Variants in ARHGAP24 observed in about 807,000 individuals in gnomAD.
ARHGAP24 encodes Rho GTPase activating protein 24, also known as rho GTPase-activating protein 24.
In ARHGAP24, 50 loss-of-function variants were observed where a neutral mutation model predicts 76.4. The ratio of observed to expected loss-of-function variants is 0.65; its 90% CI spans 0.52 to 0.83. The LOEUF is 0.83. ARHGAP24 is among the 40% of genes least tolerant of loss of function. The pLI, the probability that ARHGAP24 is intolerant of heterozygous loss-of-function variation, is 0.00. For synonymous variants in ARHGAP24, 345 were observed against 323.3 expected (o/e 1.07, Z -0.72); for missense variants, 930 against 914.2 (o/e 1.02, Z -0.22).
chr4:85,975,026 G>C, intron 7 of ARHGAP24, 65 bp downstream of exon 7: 1 of 1,410,206 alleles, frequency 7.1e-7, no homozygotes, highest in South Asian at 1.2e-5. Flanking sequence ...ACTAATTTGT[G>C]TTTGACAACG....
At position 85,900,372 on chromosome 4, in the gene ARHGAP24, A is replaced by G. The variant is rs950724417; in HGVS notation, c.269-23276A>G. 3.9e-5 allele frequency among the ~76,000 whole-genome samples: 6 copies of G among 152,312 alleles called. No homozygotes were observed. In the South Asian group the frequency reaches 1.0e-3, roughly 26 times the overall value. On this transcript the variant is annotated intron_variant, in intron 3 of 9. Coordinates refer to ENST00000395184, the MANE Select transcript of ARHGAP24 (RefSeq NM_001025616.3). The stretch of plus-strand genomic sequence containing the variant: ...CAAATAGTATGCATTTACAGGAAAA[A>G]CTAAGTAATATACAGAATTTAAAGA...
At chr4:85,904,641 G>T (rs1157319347) in intron 3 of ARHGAP24, among the ~76,000 whole-genome samples, 2 of 152,124 alleles carry the variant, frequency 1.3e-5, no homozygotes, top group Non-Finnish European at 2.9e-5. Context: ...ATTAATTTTT[G>T]GTTTAGGCCT....
At chr4:85,524,129 G>C (rs6836668) in intron 1 of ARHGAP24, among the ~76,000 whole-genome samples, 1 of 151,876 alleles carries the variant, frequency 6.6e-6, no homozygotes. Context: ...TTCTCTACAC[G>C]TAACAGAGTT....
chr4:85,821,902 G>A (rs575688371), intron 3 of ARHGAP24, among the ~76,000 whole-genome samples: 30 of 152,298 alleles, frequency 2.0e-4, no homozygotes, highest in African/African-American at 6.0e-4. Context: ...AGGCCAAAGC[G>A]AAGATAAAAC....
chr4:85,991,866 T>C (rs1740349963), intron 8 of ARHGAP24: 1 of 325,796 alleles, frequency 3.1e-6, no homozygotes, highest in Non-Finnish European at 5.5e-6. Flanking sequence ...AAAATACAAA[T>C]TGAAACTATA....
chr4:85,704,686 G>A (rs1724231123), intron 2 of ARHGAP24, among the ~76,000 whole-genome samples: 1 of 151,968 alleles, frequency 6.6e-6, no homozygotes, highest in Non-Finnish European at 1.5e-5. Context: ...GCATCATATG[G>A]CATATATTTC....
At chr4:85,754,685 T>C (rs1726405992) in intron 3 of ARHGAP24, among the ~76,000 whole-genome samples, 1 of 152,226 alleles carries the variant, frequency 6.6e-6, no homozygotes, top group Non-Finnish European at 1.5e-5. Context: ...TGTCTAAGTT[T>C]GGTTCTTGAC....
At chr4:85,684,504 T>C (rs1284568871) in intron 2 of ARHGAP24, among the ~76,000 whole-genome samples, 1 of 152,206 alleles carries the variant, frequency 6.6e-6, no homozygotes. Flanking sequence ...TAAAACTGAA[T>C]AGCCCTCTCA....
intron 2 of ARHGAP24, among the ~76,000 whole-genome samples, chr4:85,688,195 G>T (rs1189547009): frequency 6.6e-6 from 1 of 152,118 alleles, no homozygotes; most frequent in Non-Finnish European, 1.5e-5. Flanking sequence ...CACCAACAAT[G>T]TATATATGTT....
intron 1 of ARHGAP24, 69 bp downstream of exon 1, chr4:85,475,628 AG>A (rs1722549282): frequency 5.2e-5 from 4 of 76,476 alleles, no homozygotes; most frequent in Non-Finnish European, 1.1e-4. Context: ...TGCCTGCGCC[AG>A]GGGAGGGGGC....
chr4:85,662,576 A>G (rs1722440369), intron 2 of ARHGAP24, among the ~76,000 whole-genome samples: 1 of 151,736 alleles, frequency 6.6e-6, no homozygotes. Flanking sequence ...GGTGTTTTAG[A>G]CATGAAGTCC....
At chr4:85,955,161 C>T (rs367633202) in intron 5 of ARHGAP24, among the ~76,000 whole-genome samples, 2 of 152,244 alleles carry the variant, frequency 1.3e-5, no homozygotes, top group East Asian at 3.9e-4. Context: ...CAGAACCTGT[C>T]CCTTTTCTGT....
intron 2 of ARHGAP24, among the ~76,000 whole-genome samples, chr4:85,578,592 A>C (rs1166321233): frequency 6.6e-6 from 1 of 152,234 alleles, no homozygotes; most frequent in Non-Finnish European, 1.5e-5. Flanking sequence ...GGCTTGGCTA[A>C]GTTCATAAAA....
Position 85,515,415 on chromosome 4 carries a change from A to G in ARHGAP24, c.-21+39856A>G, listed in dbSNP as rs72976493. 5.2e-3 allele frequency among the ~76,000 whole-genome samples: 785 copies of G among 149,730 alleles called. 10 individuals are homozygous for G. The highest frequency in any genetic ancestry group is 0.018 in the African/African-American group (750 of 40,724). On this transcript the variant is annotated intron_variant, in intron 1 of 9. Transcript: ENST00000395184. ...GGGGGAGGTTTGGGTTGTGCAAAAT[A>G]AACTATACCCACTCTATACAGGTAA...
chr4:85,588,826 G>A (rs936172597), intron 2 of ARHGAP24, among the ~76,000 whole-genome samples: 2 of 152,084 alleles, frequency 1.3e-5, no homozygotes, highest in African/African-American at 4.8e-5. Context: ...ACATGCATAG[G>A]AAGAGTATGA....
At chr4:85,478,553 T>A (rs1184847903) in intron 1 of ARHGAP24, among the ~76,000 whole-genome samples, 1 of 152,250 alleles carries the variant, frequency 6.6e-6, no homozygotes, top group Non-Finnish European at 1.5e-5. Context: ...ACAGTTAATC[T>A]TTACAAAGTC....
intron 3 of ARHGAP24, among the ~76,000 whole-genome samples, chr4:85,834,533 G>T (rs188100827): frequency 6.6e-6 from 1 of 152,272 alleles, no homozygotes; most frequent in African/African-American, 2.4e-5. Context: ...TGATTACCCA[G>T]TGTATCTGTT....
At chr4:85,606,606 C>T (rs958626315) in intron 2 of ARHGAP24, among the ~76,000 whole-genome samples, 1 of 152,022 alleles carries the variant, frequency 6.6e-6, no homozygotes, top group African/African-American at 2.4e-5. Flanking sequence ...TTGTAACTTA[C>T]TTGAACAAGT....
intron 3 of ARHGAP24, among the ~76,000 whole-genome samples, chr4:85,758,935 G>A (rs1320551924): frequency 6.6e-6 from 1 of 152,158 alleles, no homozygotes; most frequent in Non-Finnish European, 1.5e-5. Flanking sequence ...GCTTGAATAT[G>A]AAAACTATAT....
Sources: allele counts gnomAD v4.1 joint callset (sites outside exome capture counted in the v4.1 genomes callset), GRCh38; gene constraint gnomAD v4.1.1; transcripts MANE v1.5; gene names NCBI Gene and HGNC (gene_info 2026-07-23, HGNC 2026-07-21).